The following GALNTL6 variants were observed in gnomAD, a reference collection of about 807,000 sequenced individuals.
GALNTL6 encodes polypeptide N-acetylgalactosaminyltransferase-like 6.
Under a neutral mutation model 73.7 loss-of-function variants are expected in GALNTL6, and 46 were observed. The observed-to-expected ratio is 0.62, with a 90% CI of 0.49 to 0.80. The LOEUF is 0.80. GALNTL6 is among the 30% of genes least tolerant of loss of function. The pLI is 0.00. For missense variants in GALNTL6, 604 were observed against 755.0 expected, an observed-to-expected ratio of 0.80 and a Z score of 2.34; for synonymous variants, 259 against 263.7, an observed-to-expected ratio of 0.98 and a Z score of 0.17.
At position 172,429,355 on chromosome 4, in the gene GALNTL6, G is replaced by C. The variant is rs190235603; in HGVS notation, c.553+80666G>C. On this transcript the variant is annotated intron_variant, in intron 5 of 12. Transcript: ENST00000506823. ...GCCTCCAGAGTAGCTGGGACTACAG[G>C]CGTGCACCACTACGCCTGGCTAATT... Among the ~76,000 whole-genome samples, 43 of 152,102 alleles carry C rather than the reference G, an allele frequency of 2.8e-4. No individual in the cohort carries two copies. In the East Asian group the frequency reaches 7.6e-3, roughly 27 times the overall value.
At chr4:172,239,501 T>C (rs1187902806) in intron 3 of GALNTL6, among the ~76,000 whole-genome samples, 3 of 152,154 alleles carry the variant, frequency 2.0e-5, no homozygotes, top group Non-Finnish European at 4.4e-5. Context: ...TTGATCTTGC[T>C]AGTGGTCTAT....
chr4:171,834,635 C>G (rs968632614), intron 2 of GALNTL6, among the ~76,000 whole-genome samples: 2 of 151,882 alleles, frequency 1.3e-5, no homozygotes, highest in African/African-American at 4.8e-5. Context: ...TTACAATATG[C>G]GATGGCTAAT....
chr4:171,988,100 A>G (rs902127469), intron 2 of GALNTL6, among the ~76,000 whole-genome samples: 3 of 152,168 alleles, frequency 2.0e-5, no homozygotes, highest in African/African-American at 4.8e-5. Flanking sequence ...AAAACTATTA[A>G]AGCAGCAGCA....
intron 5 of GALNTL6, among the ~76,000 whole-genome samples, chr4:172,354,630 A>G (rs1742087931): frequency 6.6e-6 from 1 of 152,088 alleles, no homozygotes; most frequent in Admixed American, 6.6e-5. Context: ...AAAGTTTGGG[A>G]AGTTACAAAA....
At chr4:172,917,831 G>T (rs1227985855) in intron 8 of GALNTL6, among the ~76,000 whole-genome samples, 1 of 152,228 alleles carries the variant, frequency 6.6e-6, no homozygotes, top group Non-Finnish European at 1.5e-5. Context: ...CATTGTGGAA[G>T]ACAGTGTGGA....
chr4:171,968,243 G>T (rs1739447358), intron 2 of GALNTL6, among the ~76,000 whole-genome samples: 1 of 152,016 alleles, frequency 6.6e-6, no homozygotes, highest in Admixed American at 6.6e-5. Flanking sequence ...CACACACTGG[G>T]TGACTTCACA....
At chr4:172,624,562 T>C (rs1445061019) in intron 5 of GALNTL6, among the ~76,000 whole-genome samples, 1 of 151,974 alleles carries the variant, frequency 6.6e-6, no homozygotes, top group Admixed American at 6.6e-5. Flanking sequence ...ATCCATGGAG[T>C]CTAAACATTG....
chr4:172,208,491 A>G (rs543506781), intron 2 of GALNTL6, among the ~76,000 whole-genome samples: 1 of 152,148 alleles, frequency 6.6e-6, no homozygotes, highest in Non-Finnish European at 1.5e-5. Context: ...AACACAGCCA[A>G]ATCTGCTGAA....
intron 2 of GALNTL6, among the ~76,000 whole-genome samples, chr4:172,192,329 C>G (rs976136916): frequency 6.6e-6 from 1 of 151,910 alleles, no homozygotes; most frequent in Non-Finnish European, 1.5e-5. Context: ...ATTTTAAAGG[C>G]CTGAAGTCAA....
At chr4:171,821,121 A>T (rs1734667524) in intron 2 of GALNTL6, among the ~76,000 whole-genome samples, 2 of 152,030 alleles carry the variant, frequency 1.3e-5, no homozygotes, top group African/African-American at 2.4e-5. Context: ...CTGCAGCCTC[A>T]GTCTCCTGGG....
chr4:172,539,870 T>C (rs1735482305), intron 5 of GALNTL6, among the ~76,000 whole-genome samples: 1 of 82,562 alleles, frequency 1.2e-5, no homozygotes, highest in African/African-American at 4.8e-5. Flanking sequence ...TGATTATACA[T>C]ATGATTATAT....
intron 2 of GALNTL6, among the ~76,000 whole-genome samples, chr4:172,166,361 G>A (rs558448183): frequency 1.4e-4 from 21 of 151,968 alleles, no homozygotes; most frequent in Non-Finnish European, 2.1e-4. Flanking sequence ...CAGGAGAATC[G>A]CTTGAACCCA....
At chr4:171,931,969 T>C (rs1738198224) in intron 2 of GALNTL6, among the ~76,000 whole-genome samples, 1 of 151,044 alleles carries the variant, frequency 6.6e-6, no homozygotes, top group East Asian at 1.9e-4. Context: ...ATCAGCTTTA[T>C]CATTATTTAA....
chr4:171,880,949 C>T (rs1736429728), intron 2 of GALNTL6, among the ~76,000 whole-genome samples: 1 of 152,088 alleles, frequency 6.6e-6, no homozygotes, highest in Non-Finnish European at 1.5e-5. Context: ...GGCTCTTGGG[C>T]ATTTTTTTCT....
At chr4:172,773,611 A>AG (rs1738901891) in intron 5 of GALNTL6, among the ~76,000 whole-genome samples, 1 of 111,284 alleles carries the variant, frequency 9.0e-6, no homozygotes, top group African/African-American at 2.8e-5. Flanking sequence ...AAAAAAAAAA[A>AG]CCCACTTCCA....
At chr4:171,971,847 T>C (rs1050827851) in intron 2 of GALNTL6, among the ~76,000 whole-genome samples, 3 of 152,150 alleles carry the variant, frequency 2.0e-5, no homozygotes, top group African/African-American at 7.2e-5. Context: ...TTTCCACAAG[T>C]AAGCCTGTTG....
chr4:171,968,773 G>A (rs1739466318), intron 2 of GALNTL6, among the ~76,000 whole-genome samples: 1 of 151,380 alleles, frequency 6.6e-6, no homozygotes. Flanking sequence ...GTGAACTCTG[G>A]GTCAGACTTG....
intron 2 of GALNTL6, among the ~76,000 whole-genome samples, chr4:172,168,622 G>A (rs1734710936): frequency 6.6e-6 from 1 of 151,970 alleles, no homozygotes; most frequent in East Asian, 1.9e-4. Flanking sequence ...CAATGGCGAT[G>A]CTGGTGATGG....
intron 2 of GALNTL6, among the ~76,000 whole-genome samples, chr4:171,997,171 A>G (rs1740519955): frequency 6.6e-6 from 1 of 152,116 alleles, no homozygotes; most frequent in South Asian, 2.1e-4. Context: ...CATGCAAATG[A>G]CTTTCAGAGA....
Sources: allele counts gnomAD v4.1 joint callset (sites outside exome capture counted in the v4.1 genomes callset), GRCh38; gene constraint gnomAD v4.1.1; transcripts MANE v1.5; gene names NCBI Gene and HGNC (gene_info 2026-07-23, HGNC 2026-07-21).